PDE1C: variants seen among roughly 807,000 people sequenced by gnomAD.
The protein encoded by PDE1C is phosphodiesterase 1C.
In PDE1C, 62 loss-of-function variants were observed where a neutral mutation model predicts 93.1. The observed-to-expected ratio is 0.67, with a 90% CI of 0.54 to 0.82. The LOEUF (loss-of-function observed/expected upper bound fraction) is 0.82, where lower values mean the gene tolerates loss of function less well. Ranked by LOEUF, PDE1C falls within the 40% of genes least tolerant of loss-of-function variation. The probability of loss-of-function intolerance (pLI) is 0.00; values close to 1 mark genes in which losing one functional copy is unlikely to be tolerated. For synonymous variants in PDE1C, 325 were observed against 310.1 expected (o/e 1.05, Z -0.50); for missense variants, 742 against 884.6 (o/e 0.84, Z 2.04).
intron 16 of PDE1C, chr7:31,790,229 T>G (rs748931609): frequency 6.2e-7 from 1 of 1,612,650 alleles, no homozygotes; most frequent in East Asian, 2.2e-5. Context: ...CCTCTTTTAT[T>G]GTCTATGAGG....
intron 3 of PDE1C, among the ~76,000 whole-genome samples, chr7:32,151,019 T>C (rs7808816): frequency 0.51 from 77,537 of 151,906 alleles, 20,011 homozygotes; most frequent in Middle Eastern, 0.66. Context: ...AACAAAATGT[T>C]TTCCCAGATG....
At chr7:32,260,095 T>C (rs991415945) in intron 1 of PDE1C, among the ~76,000 whole-genome samples, 2 of 152,210 alleles carry the variant, frequency 1.3e-5, no homozygotes, top group African/African-American at 4.8e-5. Context: ...CCAGGCGGAC[T>C]GATAGGGGTC....
At chr7:32,305,822 C>T (rs900001762) in intron 1 of PDE1C, among the ~76,000 whole-genome samples, 4 of 152,356 alleles carry the variant, frequency 2.6e-5, no homozygotes, top group Non-Finnish European at 5.9e-5. Flanking sequence ...GAAGCAGCCC[C>T]ATGCCAGGAC....
intron 11 of PDE1C, among the ~76,000 whole-genome samples, chr7:31,831,830 G>A (rs1790455002): frequency 6.6e-6 from 1 of 152,036 alleles, no homozygotes; most frequent in Non-Finnish European, 1.5e-5. Context: ...AGAGCAAAGG[G>A]AGGAGAAGGA....
At chr7:32,093,276 G>A (rs1442567220) in intron 3 of PDE1C, among the ~76,000 whole-genome samples, 1 of 152,168 alleles carries the variant, frequency 6.6e-6, no homozygotes, top group Non-Finnish European at 1.5e-5. Flanking sequence ...TTACTGCAGA[G>A]CATTAATCCC....
At chr7:32,112,725 G>T (rs1798711777) in intron 3 of PDE1C, among the ~76,000 whole-genome samples, 1 of 150,706 alleles carries the variant, frequency 6.6e-6, no homozygotes, top group African/African-American at 2.4e-5. Context: ...CTCCCAAAAT[G>T]TTGGTATTAC....
intron 2 of PDE1C, among the ~76,000 whole-genome samples, chr7:31,923,194 A>G (rs1193635665): frequency 6.6e-6 from 1 of 152,114 alleles, no homozygotes; most frequent in Non-Finnish European, 1.5e-5. Flanking sequence ...AATGGCAGAT[A>G]CTCTAAACTG....
chr7:32,064,542 C>G lies in PDE1C; in HGVS notation c.101+5751G>C, dbSNP rs538459235. Among the ~76,000 whole-genome samples the G allele has an allele frequency of 1.1e-4, 16 of 152,296 alleles. No homozygotes were observed. In the South Asian group the frequency reaches 3.1e-3, roughly 30 times the overall value. On this transcript the variant is annotated intron_variant, in intron 1 of 17. Transcript: ENST00000396191. The stretch of plus-strand genomic sequence containing the variant: ...CTGGTCTCCAGGCCTCGAGTCGCAT[C>G]TCCAATCTGTCCTCCACCCTTTTTC...
chr7:31,812,043 T>A (rs1787618568), intron 15 of PDE1C, among the ~76,000 whole-genome samples: 1 of 152,140 alleles, frequency 6.6e-6, no homozygotes, highest in Non-Finnish European at 1.5e-5. Context: ...ACGTGAGCTG[T>A]TACTCAATAA....
the PDE1C span, chr7:31,643,152 T>C: frequency 5.0e-6 from 8 of 1,613,932 alleles, no homozygotes; most frequent in East Asian, 1.8e-4. Context: ...GCCACCACAA[T>C]GAGTCTCAAA....
At chr7:31,757,194 C>G (rs962603006) in intron 17 of PDE1C, among the ~76,000 whole-genome samples, 1 of 152,062 alleles carries the variant, frequency 6.6e-6, no homozygotes, top group Non-Finnish European at 1.5e-5. Context: ...AATGAAAAAG[C>G]AGGATATATT....
chr7:32,330,272 T>C (rs1240630621), intron 1 of PDE1C, among the ~76,000 whole-genome samples: 1 of 152,250 alleles, frequency 6.6e-6, no homozygotes, highest in Non-Finnish European at 1.5e-5. Flanking sequence ...AGTAAGTGGC[T>C]GATTCAAGCT....
At chr7:32,326,898 A>T (rs1783415121) in intron 1 of PDE1C, among the ~76,000 whole-genome samples, 1 of 152,170 alleles carries the variant, frequency 6.6e-6, no homozygotes, top group Non-Finnish European at 1.5e-5. Flanking sequence ...GGAAAGGGAG[A>T]ATTACCAAAG....
intron 3 of PDE1C, among the ~76,000 whole-genome samples, chr7:32,126,675 T>C (rs531548576): frequency 7.2e-5 from 11 of 152,192 alleles, no homozygotes; most frequent in Admixed American, 2.6e-4. Context: ...CCCAATATCA[T>C]AGTACAAAAA....
intron 2 of PDE1C, among the ~76,000 whole-genome samples, chr7:31,948,378 T>A (rs1304803635): frequency 2.6e-5 from 4 of 152,206 alleles, no homozygotes; most frequent in Non-Finnish European, 5.9e-5. Context: ...GGTATATAGT[T>A]CAGCTTCCCT....
intron 1 of PDE1C, among the ~76,000 whole-genome samples, chr7:32,233,348 G>C (rs956329691): frequency 1.2e-4 from 19 of 152,080 alleles, no homozygotes; most frequent in African/African-American, 4.3e-4. Flanking sequence ...ACAATAACAT[G>C]CTAAATGTAA....
intron 3 of PDE1C, among the ~76,000 whole-genome samples, chr7:32,088,533 C>A (rs1359865134): frequency 6.6e-6 from 1 of 152,232 alleles, no homozygotes; most frequent in Non-Finnish European, 1.5e-5. Flanking sequence ...TGAGGAGGCC[C>A]CATTTGGCCG....
chr7:32,194,765 T>C (rs1291652290), intron 2 of PDE1C, among the ~76,000 whole-genome samples: 1 of 152,236 alleles, frequency 6.6e-6, no homozygotes, highest in Admixed American at 6.5e-5. Context: ...ACCATTTACA[T>C]TTAATGTAAT....
At chr7:32,021,163 A>G (rs1788616399) in intron 2 of PDE1C, among the ~76,000 whole-genome samples, 1 of 152,042 alleles carries the variant, frequency 6.6e-6, no homozygotes, top group South Asian at 2.1e-4. Flanking sequence ...GAAGCTGGCC[A>G]CTAAAGACTG....
Sources: gnomAD v4.1 joint callset for allele counts (sites outside exome capture counted in the v4.1 genomes callset) on GRCh38, gnomAD v4.1.1 for gene constraint, MANE v1.5 for transcripts, NCBI Gene and HGNC (gene_info 2026-07-23, HGNC 2026-07-21) for gene names.